Variants in RBFOX1 observed in about 807,000 individuals in gnomAD.
RBFOX1 encodes RNA binding protein fox-1 homolog 1.
In RBFOX1, 8 loss-of-function variants were observed where a neutral mutation model predicts 57.7. The ratio of observed to expected loss-of-function variants is 0.14; its 90% CI spans 0.08 to 0.25. The LOEUF is 0.25. RBFOX1 is among the 10% of genes least tolerant of loss of function. The pLI is 1.00. For missense variants in RBFOX1, 611 were observed against 548.5 expected (o/e 1.11, Z -1.14); for synonymous variants, 326 against 222.4 (o/e 1.47, Z -4.15).
intron 2 of RBFOX1, among the ~76,000 whole-genome samples, chr16:6,354,205 G>A (rs534476259): frequency 6.6e-6 from 1 of 152,002 alleles, no homozygotes. Flanking sequence ...GGGTGACAGA[G>A]CGAGACACTG....
intron 5 of RBFOX1, among the ~76,000 whole-genome samples, chr16:7,556,167 C>T (rs1279870089): frequency 6.6e-6 from 1 of 152,170 alleles, no homozygotes; most frequent in Non-Finnish European, 1.5e-5. Flanking sequence ...ATTTGAGTAT[C>T]ATGACCACCA....
In RBFOX1 at chr16:5,834,959, C is replaced by G. The variant is rs192573554; in HGVS notation, c.319-32344C>G. Among the ~76,000 whole-genome samples the G allele has an allele frequency of 9.3e-4, 142 of 152,260 alleles. 1 individual carries two copies. In the South Asian group the frequency reaches 0.014, roughly 15 times the overall value. The stretch of plus-strand genomic sequence containing the variant: ...ACAGAGGTGTTACCAGTTTACATTC[C>G]CACCAACAGTGCGTAAGTGTTCCCT... On this transcript the variant is annotated intron_variant, in intron 3 of 19. Coordinates refer to the RBFOX1 transcript ENST00000641259.
chr16:6,027,953 G>A (rs992182835), intron 1 of RBFOX1, among the ~76,000 whole-genome samples: 3 of 152,268 alleles, frequency 2.0e-5, no homozygotes, highest in South Asian at 2.1e-4. Context: ...TGATTGATTG[G>A]CAGAGAGAAA....
intron 3 of RBFOX1, among the ~76,000 whole-genome samples, chr16:5,607,347 T>C (rs59118089): frequency 2.0e-5 from 3 of 152,264 alleles, no homozygotes; most frequent in East Asian, 1.9e-4. Context: ...TTAAAGGAAG[T>C]TGGACTTGCT....
chr16:6,371,331 T>C (rs541784060), intron 2 of RBFOX1, among the ~76,000 whole-genome samples: 1 of 152,336 alleles, frequency 6.6e-6, no homozygotes, highest in South Asian at 2.1e-4. Context: ...ATTGCACTTA[T>C]ATGTGTGGGT....
chr16:6,590,150 A>T (rs73541314), intron 2 of RBFOX1, among the ~76,000 whole-genome samples: 4,157 of 152,290 alleles, frequency 0.027, 178 homozygotes, highest in African/African-American at 0.094. Flanking sequence ...CTCAGAATGG[A>T]GTATGGGGAA....
intron 4 of RBFOX1, among the ~76,000 whole-genome samples, chr16:7,401,023 A>T (rs780865359): frequency 1.3e-4 from 20 of 152,194 alleles, no homozygotes; most frequent in Non-Finnish European, 2.1e-4. Flanking sequence ...CAGAAGTATG[A>T]TATATTGCCC....
At chr16:7,226,760 G>T (rs1431153325) in intron 4 of RBFOX1, among the ~76,000 whole-genome samples, 1 of 152,168 alleles carries the variant, frequency 6.6e-6, no homozygotes, top group Non-Finnish European at 1.5e-5. Flanking sequence ...AGGATTCCCA[G>T]CTCACTTCAA....
chr16:6,674,541 C>T (rs1186955315), intron 3 of RBFOX1, among the ~76,000 whole-genome samples: 3 of 151,994 alleles, frequency 2.0e-5, no homozygotes, highest in Non-Finnish European at 4.4e-5. Flanking sequence ...AGGATGGTGT[C>T]GAACTCCTGA....
chr16:7,708,596 C>T (rs1370039238), intron 14 of RBFOX1, among the ~76,000 whole-genome samples: 1 of 152,202 alleles, frequency 6.6e-6, no homozygotes, highest in Non-Finnish European at 1.5e-5. Flanking sequence ...ACACTAACTT[C>T]AGACAGGTTC....
chr16:7,516,204 G>A (rs761978512), intron 4 of RBFOX1, among the ~76,000 whole-genome samples: 17 of 152,028 alleles, frequency 1.1e-4, no homozygotes, highest in Non-Finnish European at 2.1e-4. Context: ...CCATCACCGT[G>A]GAAAGAGAAC....
intron 1 of RBFOX1, among the ~76,000 whole-genome samples, chr16:5,413,769 C>T (rs546993363): frequency 3.9e-5 from 6 of 152,180 alleles, no homozygotes; most frequent in South Asian, 2.1e-4. Context: ...TGCAGAATTA[C>T]GAAAAGAGTC....
chr16:7,071,809 TC>T (rs920045789), intron 4 of RBFOX1, among the ~76,000 whole-genome samples: 23 of 152,100 alleles, frequency 1.5e-4, no homozygotes, highest in African/African-American at 5.3e-4. Flanking sequence ...ATCTGTGTCT[TC>T]TACACACACA....
intron 4 of RBFOX1, among the ~76,000 whole-genome samples, chr16:7,092,095 A>T (rs1003206331): frequency 6.6e-6 from 1 of 152,230 alleles, no homozygotes; most frequent in Non-Finnish European, 1.5e-5. Context: ...TTAAACTCTT[A>T]AAGATATTTA....
At chr16:5,263,848 T>C (rs370640511) in intron 1 of RBFOX1, among the ~76,000 whole-genome samples, 2 of 152,162 alleles carry the variant, frequency 1.3e-5, no homozygotes, top group South Asian at 4.1e-4. Context: ...AATTTATTTG[T>C]GATGGTTAAA....
At chr16:6,894,209 C>T (rs1357950792) in intron 3 of RBFOX1, among the ~76,000 whole-genome samples, 3 of 152,078 alleles carry the variant, frequency 2.0e-5, no homozygotes, top group Non-Finnish European at 2.9e-5. Flanking sequence ...GCTTCACTTC[C>T]ATCACTTCTG....
At chr16:7,638,524 A>G (rs763129540) in intron 11 of RBFOX1, among the ~76,000 whole-genome samples, 1 of 152,176 alleles carries the variant, frequency 6.6e-6, no homozygotes, top group Non-Finnish European at 1.5e-5. Context: ...ATTTGGGCCA[A>G]GGCTGTGCTG....
rs572999861 is a variant in RBFOX1, at chr16:6,090,154, T to C, written c.-127+70162T>C. The C allele has an allele frequency of 3.3e-5, 5 of 152,312 alleles. No homozygotes were observed. The East Asian group carries it at 9.7e-4, about 29-fold the overall frequency. The allele number at this position is 152,312 out of a possible 1,614,324, so 9.4% of individuals were successfully genotyped here. A position where few individuals can be genotyped will look rare whatever the true frequency, so the allele number is the denominator to read the frequency against. ...CCAGCATTGGTGAGTTGAGTCCTTT[T>C]TCACATCATGTCACTCCATTCTTCT... On this transcript the variant is annotated intron_variant, in intron 1 of 15. Coordinates refer to ENST00000550418, the MANE Select transcript of RBFOX1 (RefSeq NM_018723.4).
intron 5 of RBFOX1, among the ~76,000 whole-genome samples, chr16:7,546,014 T>TG (rs768325172): frequency 2.2e-5 from 3 of 134,142 alleles, no homozygotes; most frequent in African/African-American, 8.6e-5. Flanking sequence ...TCTGAGCTTA[T>TG]AAAAAAAAAA....
Sources: gnomAD v4.1 joint callset for allele counts (sites outside exome capture counted in the v4.1 genomes callset) on GRCh38, gnomAD v4.1.1 for gene constraint, MANE v1.5 for transcripts, NCBI Gene and HGNC (gene_info 2026-07-23, HGNC 2026-07-21) for gene names.